Variants in CAST observed in about 807,000 individuals in gnomAD.
CAST encodes calpastatin, also known as MIR583 host.
CAST carries 76 observed loss-of-function variants against 119.6 expected under a neutral mutation model. The ratio of observed to expected loss-of-function variants is 0.64; its 90% confidence interval spans 0.53 to 0.77. CAST has a LOEUF of 0.77. CAST is among the 30% of genes least tolerant of loss of function. The pLI is 0.00. For synonymous variants in CAST, 319 were observed against 331.6 expected (o/e 0.96, Z 0.41); for missense variants, 953 against 946.5 (o/e 1.01, Z -0.09).
intron 1 of CAST, among the ~76,000 whole-genome samples, chr5:96,620,107 T>C (rs999148204): frequency 5.9e-5 from 9 of 152,234 alleles, no homozygotes; most frequent in South Asian, 2.1e-4. Context: ...GCTGCTGTTA[T>C]GACCGGAAGG....
At chr5:96,692,969 G>A (rs1752897277) in intron 2 of CAST, among the ~76,000 whole-genome samples, 1 of 152,168 alleles carries the variant, frequency 6.6e-6, no homozygotes, top group South Asian at 2.1e-4. Context: ...ATGAAGAAAG[G>A]GGGCCAAAAC....
At chr5:96,690,609 C>A (rs1228381124) in intron 2 of CAST, among the ~76,000 whole-genome samples, 6 of 152,162 alleles carry the variant, frequency 3.9e-5, no homozygotes, top group Admixed American at 3.9e-4. Context: ...TTAGAGCCAG[C>A]ATATTGTATT....
chr5:96,335,216 A>C, the CAST span, among the ~76,000 whole-genome samples: 28 of 152,172 alleles, frequency 1.8e-4, no homozygotes, highest in African/African-American at 6.8e-4. Flanking sequence ...TATTTCATCC[A>C]AACATCTTTA....
the CAST span, among the ~76,000 whole-genome samples, chr5:96,162,918 G>A: frequency 2.0e-5 from 3 of 152,130 alleles, no homozygotes; most frequent in Non-Finnish European, 4.4e-5. Context: ...TTGGTCTCTT[G>A]TAATGAGTTA....
chr5:96,282,582 T>A, the CAST span, among the ~76,000 whole-genome samples: 2 of 152,138 alleles, frequency 1.3e-5, no homozygotes, highest in East Asian at 3.8e-4. Flanking sequence ...CTAGGAAGGG[T>A]TTTTATTTTT....
chr5:96,409,246 C>A, the CAST span, among the ~76,000 whole-genome samples: 1 of 152,064 alleles, frequency 6.6e-6, no homozygotes, highest in Non-Finnish European at 1.5e-5. Flanking sequence ...GCTCCAGCAC[C>A]GAAGTTCTAG....
chr5:96,435,810 A>G, the CAST span, among the ~76,000 whole-genome samples: 1 of 152,234 alleles, frequency 6.6e-6, no homozygotes, highest in Admixed American at 6.5e-5. Flanking sequence ...AAAAGAAGCT[A>G]TTAAGAGCAG....
the CAST span, among the ~76,000 whole-genome samples, chr5:96,058,659 G>A: frequency 3.9e-5 from 6 of 152,050 alleles, no homozygotes; most frequent in African/African-American, 1.4e-4. Context: ...TTTCACTGGT[G>A]AACTGGGATG....
chr5:96,257,634 C>G, the CAST span, among the ~76,000 whole-genome samples: 2 of 152,190 alleles, frequency 1.3e-5, no homozygotes, highest in Non-Finnish European at 2.9e-5. Context: ...TCCTAAGAAC[C>G]CCACTACTCA....
the CAST span, among the ~76,000 whole-genome samples, chr5:96,452,093 A>G: frequency 1.3e-5 from 2 of 152,232 alleles, no homozygotes; most frequent in South Asian, 4.1e-4. Context: ...TGATTCCTCA[A>G]GGATCTAGAA....
the CAST span, among the ~76,000 whole-genome samples, chr5:96,033,909 A>G: frequency 6.6e-6 from 1 of 152,188 alleles, no homozygotes; most frequent in African/African-American, 2.4e-5. Flanking sequence ...GTATCTGATA[A>G]GGGGTTACTA....
chr5:96,418,179 C>T, the CAST span, among the ~76,000 whole-genome samples: 1 of 152,186 alleles, frequency 6.6e-6, no homozygotes, highest in Non-Finnish European at 1.5e-5. Context: ...TCCTCTTATC[C>T]TCAGGTTCCA....
At chr5:96,283,142 A>AAAG in the CAST span, among the ~76,000 whole-genome samples, 4 of 151,412 alleles carry the variant, frequency 2.6e-5, no homozygotes, top group African/African-American at 9.7e-5. Flanking sequence ...AAAAAAAAAA[A>AAAG]AAAGAAAAAA....
chr5:96,750,914 C>T (rs10515245), intron 20 of CAST, among the ~76,000 whole-genome samples: 1 of 152,142 alleles, frequency 6.6e-6, no homozygotes, highest in South Asian at 2.1e-4. Flanking sequence ...CTCTACTCTT[C>T]TGAAATTCTA....
At chr5:96,473,597 A>G in the CAST span, among the ~76,000 whole-genome samples, 3 of 152,192 alleles carry the variant, frequency 2.0e-5, no homozygotes, top group African/African-American at 2.4e-5. Flanking sequence ...GAAGGAAAGG[A>G]ATGGGGAAAG....
At chr5:96,467,743 G>A in the CAST span, among the ~76,000 whole-genome samples, 2 of 152,032 alleles carry the variant, frequency 1.3e-5, no homozygotes, top group Admixed American at 6.6e-5. Context: ...AGCTGTTGGC[G>A]TGGATGTGGT....
At chr5:96,656,856 T>C (rs1748166439) in intron 1 of CAST, among the ~76,000 whole-genome samples, 1 of 152,124 alleles carries the variant, frequency 6.6e-6, no homozygotes, top group South Asian at 2.1e-4. Flanking sequence ...ACTAGTGAAT[T>C]CTTATATATT....
At chr5:96,378,559 C>A in the CAST span, among the ~76,000 whole-genome samples, 1 of 151,772 alleles carries the variant, frequency 6.6e-6, no homozygotes, top group Non-Finnish European at 1.5e-5. Context: ...AGAAATAAAC[C>A]CCATCATTTT....
intron 2 of CAST, among the ~76,000 whole-genome samples, chr5:96,682,713 T>C (rs2150269098): frequency 6.6e-6 from 1 of 152,302 alleles, no homozygotes; most frequent in African/African-American, 2.4e-5. Context: ...TCTATGTCCC[T>C]GCTAACTAAA....
Sources: allele counts gnomAD v4.1 joint callset (sites outside exome capture counted in the v4.1 genomes callset), GRCh38; gene constraint gnomAD v4.1.1; transcripts MANE v1.5; gene names NCBI Gene and HGNC (gene_info 2026-07-23, HGNC 2026-07-21).